SENP6: variants seen among roughly 807,000 people sequenced by gnomAD.
SENP6 encodes sentrin-specific protease 6.
A neutral mutation model predicts 134.5 loss-of-function variants in SENP6; 41 were observed. That is an observed-to-expected ratio of 0.30 (90% CI 0.24 to 0.40). The LOEUF is 0.40. Among genes scored for constraint, SENP6 ranks in the 10% least tolerant of loss-of-function variants. The pLI is 1.00. For missense variants in SENP6, 1,248 were observed against 1,312.5 expected (o/e 0.95, Z 0.76); for synonymous variants, 395 against 429.8 (o/e 0.92, Z 1.00).
At chr6:75,701,390 T>C (rs957039691) in intron 18 of SENP6, among the ~76,000 whole-genome samples, 2 of 152,188 alleles carry the variant, frequency 1.3e-5, no homozygotes, top group African/African-American at 4.8e-5. Context: ...ACTTGATAGC[T>C]GGAACTCTCT....
At chr6:75,663,630 TA>T in intron 9 of SENP6, 112 bp downstream of exon 9, 1 of 802,942 alleles carries the variant, frequency 1.2e-6, no homozygotes, top group Non-Finnish European at 1.9e-6. Context: ...AATGTGAGCT[TA>T]AAACTAATCT....
intron 16 of SENP6, among the ~76,000 whole-genome samples, chr6:75,680,831 T>C (rs538977555): frequency 7.4e-4 from 113 of 152,246 alleles, no homozygotes; most frequent in Middle Eastern, 6.8e-3. Context: ...CATGTACTTT[T>C]AGTCCCACCT....
chr6:75,626,228 G>C (rs1222902980), intron 3 of SENP6, among the ~76,000 whole-genome samples: 1 of 151,626 alleles, frequency 6.6e-6, no homozygotes, highest in Non-Finnish European at 1.5e-5. Context: ...GATGGTTTCA[G>C]CATCATATCT....
At chr6:75,702,428 G>T (rs941180605) in intron 18 of SENP6, among the ~76,000 whole-genome samples, 2 of 151,960 alleles carry the variant, frequency 1.3e-5, no homozygotes, top group Non-Finnish European at 2.9e-5. Context: ...ATGTTGGCTA[G>T]GCTGGTCTCG....
chr6:75,616,447 T>C (rs1036366838), intron 1 of SENP6, among the ~76,000 whole-genome samples: 4 of 152,088 alleles, frequency 2.6e-5, no homozygotes, highest in African/African-American at 9.7e-5. Flanking sequence ...TGATTGAGTT[T>C]GTTAGAATTA....
intron 18 of SENP6, chr6:75,697,897 G>A (rs116071850): frequency 0.018 from 2,957 of 161,074 alleles, 102 homozygotes; most frequent in African/African-American, 0.066. Flanking sequence ...TCTGTTTTTA[G>A]CCAGAAAGGA....
rs192795389 is a variant in SENP6 at position 75,608,119 on chromosome 6, T to C, written c.52+5543T>C. ...TGATAAATTCTGTTTATCATGTGAGTTCATGTACTTGAAACAGTAAAGTAG... is the reference window on the plus strand; with the variant it reads ...TGATAAATTCTGTTTATCATGTGAGCTCATGTACTTGAAACAGTAAAGTAG... On this transcript the variant is annotated intron_variant, in intron 1 of 23. Transcript: ENST00000447266. 1.4e-3 allele frequency among the ~76,000 whole-genome samples: 210 copies of C among 152,302 alleles called. 4 individuals carry two copies. The highest frequency in any genetic ancestry group is 0.01 in the Admixed American group (158 of 15,290).
intron 16 of SENP6, among the ~76,000 whole-genome samples, chr6:75,692,083 C>T (rs1355680271): frequency 1.3e-5 from 2 of 151,894 alleles, no homozygotes; most frequent in East Asian, 2.0e-4. Flanking sequence ...CTCAAACTCC[C>T]GACCTCAGGT....
intron 7 of SENP6, among the ~76,000 whole-genome samples, chr6:75,651,334 G>A (rs966205100): frequency 2.0e-5 from 3 of 151,786 alleles, no homozygotes; most frequent in African/African-American, 7.3e-5. Context: ...ATTTAGCACT[G>A]CTTAACACAT....
rs71002753 is a variant in SENP6, at chr6:75,644,475, C to CTT, written c.480-3243_480-3242dup. ...AAATAGCTGGTAAATTTCTTTCTTTCTTTTTTTTTTTTTTGTTTTCTTTTT... is the reference window on the plus strand; with the variant it reads ...AAATAGCTGGTAAATTTCTTTCTTTCTTTTTTTTTTTTTTTTGTTTTCTTTTT... On this transcript the variant is annotated intron_variant, in intron 6 of 23. Coordinates refer to ENST00000447266, the MANE Select transcript of SENP6 (RefSeq NM_015571.4). 3.4e-3 allele frequency among the ~76,000 whole-genome samples: 489 copies of CTT among 143,426 alleles called. 2 individuals carry two copies. The highest frequency in any genetic ancestry group is 7.0e-3 in the South Asian group (32 of 4,546). The allele number at this position is 143,426 out of a possible 152,430, so 94.1% of individuals were successfully genotyped here.
chr6:75,638,590 GTATATATA>G lies in SENP6; in HGVS notation c.459-2068_459-2061del, dbSNP rs1210762229. ...TGTGTGTGTGTGTGTGTGTGTGTGT[GTATATATA>G]TATATATATATATATATATATATAT... is the stretch of plus-strand genomic sequence containing the variant. On this transcript the variant is annotated intron_variant, in intron 5 of 23. Coordinates refer to ENST00000447266, the MANE Select transcript of SENP6 (RefSeq NM_015571.4). Among the ~76,000 whole-genome samples the G allele has an allele frequency of 1.0e-3, 63 of 61,516 alleles. 1 individual carries two copies. Among genetic ancestry groups the G allele is most frequent in the South Asian group, 3.0e-3 (4 of 1,320 alleles). The allele number at this position is 61,516 out of a possible 152,430, so 40.4% of individuals were successfully genotyped here.
chr6:75,661,336 A>G (rs1249310109), intron 8 of SENP6, among the ~76,000 whole-genome samples: 1 of 152,224 alleles, frequency 6.6e-6, no homozygotes. Context: ...AGTTTGGCTC[A>G]GGCCATGCTG....
chr6:75,678,861 A>G lies in SENP6; in HGVS notation c.2009A>G (p.Asn670Ser), dbSNP rs759790963. 23 of 1,608,792 alleles carry G rather than the reference A, an allele frequency of 1.4e-5. No homozygotes were observed. The highest frequency in any genetic ancestry group is 1.2e-4 in the Admixed American group (7 of 59,750). ...GCTAAGGGAGGCATCTCTGTTACCA[A>G]TGAGGACCTGCACTGTCTAAATGAA... Reference protein sequence around the residue: ...PPAKGGISVTNEDLHCLNEGE... With the variant: ...PPAKGGISVTSEDLHCLNEGE... Residue 670 changes from asparagine (N) to serine (S), a missense_variant, in exon 16 of 24, where the codon AAT (asparagine) becomes AGT (serine). Around this residue, in one of 3 missense-constraint regions of SENP6, gnomAD observed 129 missense variants for 192.0 expected, o/e 0.67. Transcript: ENST00000447266.
chr6:75,613,926 G>A lies in SENP6; in HGVS notation c.53-7606G>A, dbSNP rs1298628235. ...GGTTCAGGATCTGATACAGAATGAT[G>A]TATTGCATTGATTGTTATGTCCCAT... On this transcript the variant is annotated intron_variant, in intron 1 of 23. Transcript: ENST00000447266. Among the ~76,000 whole-genome samples, 4 of 152,180 alleles carry A rather than the reference G, an allele frequency of 2.6e-5. No individual in the cohort carries two copies. The East Asian group carries it at 7.7e-4, about 29-fold the overall frequency.
intron 12 of SENP6, 42 bp from the exon 13 acceptor site, chr6:75,675,818 C>G (rs755783668): frequency 6.7e-7 from 1 of 1,501,082 alleles, no homozygotes; most frequent in Non-Finnish European, 9.0e-7. Flanking sequence ...ATGATATTAC[C>G]CTCTTAAGAA....
intron 16 of SENP6, among the ~76,000 whole-genome samples, chr6:75,685,288 C>A (rs1328326569): frequency 6.6e-6 from 1 of 151,838 alleles, no homozygotes; most frequent in East Asian, 1.9e-4. Flanking sequence ...CTTTATTAGT[C>A]TTGCTAGCAG....
chr6:75,676,401 G>A (rs1318982122), intron 13 of SENP6, among the ~76,000 whole-genome samples: 3 of 152,110 alleles, frequency 2.0e-5, no homozygotes, highest in Non-Finnish European at 4.4e-5. Flanking sequence ...TATAAATCTG[G>A]AAATCTTGAA....
chr6:75,705,380 A>T (rs1775318508), intron 19 of SENP6, among the ~76,000 whole-genome samples: 1 of 151,930 alleles, frequency 6.6e-6, no homozygotes, highest in Admixed American at 6.6e-5. Context: ...CCCCATCTCT[A>T]CTAAAAATAC....
Position 75,602,433 on chromosome 6 carries a change from G to T in SENP6, c.-92G>T. On this transcript the variant is annotated 5_prime_UTR_variant, in exon 1 of 24. Transcript: ENST00000447266. ...AGCCCGAGGCCCGCAACCCTGCGGC[G>T]TCTACCCTCCTCCGGCGCGGCCCCT... 4 of 1,451,730 alleles carry T rather than the reference G, an allele frequency of 2.8e-6. No individual in the cohort carries two copies. The South Asian group carries it at 3.7e-5, about 13-fold the overall frequency. 89.9% of individuals were successfully genotyped at this position (1,451,730 alleles called of 1,614,324 possible).
Sources: allele counts gnomAD v4.1 joint callset (sites outside exome capture counted in the v4.1 genomes callset), GRCh38; gene constraint gnomAD v4.1.1; regional missense constraint gnomAD v4.1.1; transcripts MANE v1.5; gene names NCBI Gene and HGNC (gene_info 2026-07-23, HGNC 2026-07-21).